The following SCHIP1 variants were observed in gnomAD, a reference collection of about 807,000 sequenced individuals.
SCHIP1 encodes the protein schwannomin interacting protein 1, also known as schwannomin-interacting protein 1.
Under a neutral mutation model 29.7 loss-of-function variants are expected in SCHIP1, and 8 were observed. The ratio of observed to expected loss-of-function variants is 0.27; its 90% CI spans 0.16 to 0.49. The LOEUF is 0.49. SCHIP1 is among the 20% of genes least tolerant of loss of function. The pLI, the probability that SCHIP1 is intolerant of heterozygous loss-of-function variation, is 0.99. For synonymous variants in SCHIP1, 76 were observed against 94.9 expected (o/e 0.80, Z 1.16); for missense variants, 193 against 294.6 (o/e 0.66, Z 2.52).
chr3:159,766,207 G>A, the SCHIP1 span, among the ~76,000 whole-genome samples: 1 of 152,128 alleles, frequency 6.6e-6, no homozygotes, highest in East Asian at 1.9e-4. Context: ...CTTGCCTTGC[G>A]GGTGTAATTT....
chr3:159,626,172 C>CTAGATA, the SCHIP1 span, among the ~76,000 whole-genome samples: 1 of 34,550 alleles, frequency 2.9e-5, no homozygotes, highest in Non-Finnish European at 4.8e-5. Flanking sequence ...CTAGATATAT[C>CTAGATA]TATCTATCTA....
the SCHIP1 span, among the ~76,000 whole-genome samples, chr3:159,437,130 G>C: frequency 6.6e-6 from 1 of 152,120 alleles, no homozygotes; most frequent in Non-Finnish European, 1.5e-5. Flanking sequence ...GCTCCTTAGT[G>C]TATAAAGACT....
the SCHIP1 span, among the ~76,000 whole-genome samples, chr3:159,748,566 A>T: frequency 6.6e-6 from 1 of 152,182 alleles, no homozygotes; most frequent in Admixed American, 6.5e-5. Context: ...ACCCTCCTTC[A>T]CTGTGCCCAG....
chr3:159,855,495 T>G (rs1176643059), intron 1 of SCHIP1, among the ~76,000 whole-genome samples: 2 of 152,174 alleles, frequency 1.3e-5, no homozygotes, highest in South Asian at 2.1e-4. Context: ...TTTTTGACCT[T>G]GCATTCATCA....
chr3:159,870,179 C>T lies in SCHIP1; in HGVS notation c.149+3898C>T, dbSNP rs1283403878. Among the ~76,000 whole-genome samples the T allele has an allele frequency of 2.6e-5, 4 of 151,926 alleles. No homozygotes were observed. In the East Asian group the frequency reaches 5.8e-4, roughly 22 times the overall value. On this transcript the variant is annotated intron_variant, in intron 2 of 6. Coordinates refer to ENST00000445224, the Ensembl canonical transcript of SCHIP1. ...GAATGATATCATCTACAAATAATGG[C>T]AGCTTTATTTATTCATTTTCAATTC...
the SCHIP1 span, among the ~76,000 whole-genome samples, chr3:159,626,121 GATAGATAGATAGATAGATAT>G: frequency 2.7e-4 from 31 of 113,964 alleles, 2 homozygotes; most frequent in African/African-American, 2.1e-3. Context: ...TAGATAGATA[GATAGATAGATAGATAGATAT>G]ATCTAGATAT....
chr3:159,536,871 TATTTCACTAC>T, the SCHIP1 span, among the ~76,000 whole-genome samples: 1 of 152,220 alleles, frequency 6.6e-6, no homozygotes, highest in Non-Finnish European at 1.5e-5. Context: ...TCTTCCTAAT[TATTTCACTAC>T]ATTTTACTAT....
chr3:159,823,654 C>G, the SCHIP1 span, among the ~76,000 whole-genome samples: 3 of 152,112 alleles, frequency 2.0e-5, no homozygotes, highest in African/African-American at 4.8e-5. Context: ...TGCCAAAAGT[C>G]GAAGATGCCT....
chr3:159,333,082 G>T, the SCHIP1 span, among the ~76,000 whole-genome samples: 1 of 152,006 alleles, frequency 6.6e-6, no homozygotes, highest in East Asian at 1.9e-4. Flanking sequence ...TCATGTACCT[G>T]GGAAATTATA....
chr3:159,461,124 A>T, the SCHIP1 span, among the ~76,000 whole-genome samples: 2 of 152,198 alleles, frequency 1.3e-5, no homozygotes, highest in Non-Finnish European at 2.9e-5. Context: ...TGCTGGGCAC[A>T]TCACAATGCC....
At chr3:159,681,535 C>G in the SCHIP1 span, among the ~76,000 whole-genome samples, 2 of 152,082 alleles carry the variant, frequency 1.3e-5, no homozygotes, top group South Asian at 4.1e-4. Context: ...AAGTTTGTAT[C>G]CTTAAGGTTT....
the SCHIP1 span, among the ~76,000 whole-genome samples, chr3:159,825,668 A>G: frequency 1.3e-5 from 2 of 152,202 alleles, no homozygotes. Flanking sequence ...ACTGTGCCAG[A>G]TGCTAGATGG....
At chr3:159,443,626 A>G in the SCHIP1 span, among the ~76,000 whole-genome samples, 1 of 152,070 alleles carries the variant, frequency 6.6e-6, no homozygotes, top group Admixed American at 6.6e-5. Flanking sequence ...CTCCTGCCTC[A>G]GTCTCCCAAG....
the SCHIP1 span, among the ~76,000 whole-genome samples, chr3:159,667,876 T>C: frequency 6.6e-6 from 1 of 152,364 alleles, no homozygotes; most frequent in East Asian, 1.9e-4. Flanking sequence ...TCACCACGGA[T>C]GCTGCATTCT....
At chr3:159,692,537 C>T in the SCHIP1 span, among the ~76,000 whole-genome samples, 3 of 152,254 alleles carry the variant, frequency 2.0e-5, no homozygotes, top group Middle Eastern at 0.01. Context: ...TTTGTTTATG[C>T]TTCATGAAGT....
the SCHIP1 span, among the ~76,000 whole-genome samples, chr3:159,432,337 TGTGAGAGAGA>T: frequency 0.035 from 2,453 of 70,434 alleles, 24 homozygotes; most frequent in Middle Eastern, 0.079. Context: ...TGTGTGTGTG[TGTGAGAGAGA>T]GAGAGAGAGA....
chr3:159,698,241 G>C, the SCHIP1 span, among the ~76,000 whole-genome samples: 1 of 152,204 alleles, frequency 6.6e-6, no homozygotes, highest in African/African-American at 2.4e-5. Flanking sequence ...AGACCAAACA[G>C]TGTCTGCCAG....
At chr3:159,384,617 C>G in the SCHIP1 span, among the ~76,000 whole-genome samples, 55 of 151,878 alleles carry the variant, frequency 3.6e-4, no homozygotes, top group East Asian at 6.6e-3. Flanking sequence ...GATGATGCTG[C>G]CCTCATAAAA....
At chr3:159,763,204 C>A in the SCHIP1 span, among the ~76,000 whole-genome samples, 1 of 151,962 alleles carries the variant, frequency 6.6e-6, no homozygotes, top group Non-Finnish European at 1.5e-5. Flanking sequence ...GGAGAGGAAG[C>A]GGCGAGGAGG....
Sources: gnomAD v4.1 joint callset for allele counts (sites outside exome capture counted in the v4.1 genomes callset) on GRCh38, gnomAD v4.1.1 for gene constraint, MANE v1.5 for transcripts, NCBI Gene and HGNC (gene_info 2026-07-23, HGNC 2026-07-21) for gene names.